DNAJC13: variants seen among roughly 807,000 people sequenced by gnomAD.
DNAJC13 encodes the protein dnaJ homolog subfamily C member 13.
A neutral mutation model predicts 290.5 loss-of-function variants in DNAJC13; 75 were observed. The ratio of observed to expected loss-of-function variants is 0.26; its 90% confidence interval spans 0.21 to 0.31. The LOEUF is 0.31. Ranked by LOEUF, DNAJC13 falls within the 10% of genes least tolerant of loss-of-function variation. The probability of loss-of-function intolerance (pLI) is 1.00; values close to 1 mark genes in which losing one functional copy is unlikely to be tolerated. For synonymous variants in DNAJC13, 862 were observed against 892.0 expected, an observed-to-expected ratio of 0.97 and a Z score of 0.60; for missense variants, 2,260 against 2,674.5, an observed-to-expected ratio of 0.85 and a Z score of 3.42.
At chr3:132,516,383 C>T in intron 46 of DNAJC13, 39 bp from the exon 47 acceptor site, 1 of 1,597,470 alleles carries the variant, frequency 6.3e-7, no homozygotes, top group Non-Finnish European at 8.6e-7. Context: ...TATAAGCTAA[C>T]CTGATGATGC....
rs1400315569 is a variant in DNAJC13, at chr3:132,523,575, A to T, written c.5922A>T (p.Ala1974=). 7 of 1,613,960 alleles carry T rather than the reference A, an allele frequency of 4.3e-6. No homozygotes were observed. The highest frequency in any genetic ancestry group is 5.9e-6 in the Non-Finnish European group (7 of 1,179,984). ...PEDFAVVFGE[A]EGELAVGGVF... ...ATTTTGCTGTGGTGTTTGGAGAAGC[A>T]GAGGGTGAACTTGCTGTTGGAGGAG... Residue 1974 remains alanine (A), a synonymous_variant, in exon 51 of 56, where the codon GCA becomes GCT. Transcript: ENST00000260818.
At chr3:132,470,658 G>A (rs1934185935) in intron 20 of DNAJC13, among the ~76,000 whole-genome samples, 2 of 136,170 alleles carry the variant, frequency 1.5e-5, no homozygotes, top group African/African-American at 2.8e-5. Flanking sequence ...GGCTGGCCGG[G>A]CGGGGGGCCG....
intron 53 of DNAJC13, among the ~76,000 whole-genome samples, chr3:132,527,283 G>T (rs1406988994): frequency 6.6e-6 from 1 of 152,078 alleles, no homozygotes; most frequent in Admixed American, 6.5e-5. Flanking sequence ...CCATTCAGTG[G>T]TTTCTCATTA....
intron 41 of DNAJC13, among the ~76,000 whole-genome samples, chr3:132,504,549 C>T (rs1392437346): frequency 6.6e-6 from 1 of 152,038 alleles, no homozygotes; most frequent in Non-Finnish European, 1.5e-5. Context: ...GCATGAGCTC[C>T]AACTGGATTC....
chr3:132,489,622 T>A (rs1935002006), intron 31 of DNAJC13, among the ~76,000 whole-genome samples: 1 of 151,944 alleles, frequency 6.6e-6, no homozygotes. Flanking sequence ...GAGCATGGAT[T>A]TTTTTTTGGA....
Position 132,492,476 on chromosome 3 carries a change from A to G in DNAJC13, c.3686A>G (p.Asn1229Ser), listed in dbSNP as rs1277365258. ...GATTTCACACCTCGTCTTCAGAGTA[A>G]CACAAGAGCACTTTATCAGTATTGC... ...LADFTPRLQS[N>S]TRALYQYCPI... The change falls in exon 33 of 56, where the codon AAC (asparagine) becomes AGC (serine). Residue 1229 changes from asparagine (N) to serine (S), a missense_variant. Asn to Ser is a conservative substitution (Grantham distance 46). This residue lies in a region of DNAJC13 where 1,494 missense variants were observed against 1,693.7 expected (regional missense o/e 0.88). Transcript: ENST00000260818. The G allele has an allele frequency of 6.2e-7, 1 of 1,613,798 alleles. No homozygotes were observed. Among genetic ancestry groups the G allele is most frequent in the Non-Finnish European group, 8.5e-7 (1 of 1,179,878 alleles).
intron 46 of DNAJC13, 57 bp downstream of exon 46, chr3:132,514,727 T>A: frequency 1.6e-6 from 2 of 1,279,978 alleles, no homozygotes; most frequent in Non-Finnish European, 2.3e-6. Context: ...TGGAAAGGAG[T>A]TGTTGCATAG....
rs757668635 is a variant in DNAJC13 at position 132,492,511 on chromosome 3, A to G, written c.3721A>G (p.Ile1241Val). ...RALYQYCPIPIINYPQLENEL... is the reference protein window; with the variant it reads ...RALYQYCPIPVINYPQLENEL... The stretch of plus-strand genomic sequence containing the variant: ...ACTTTATCAGTATTGCCCCATTCCT[A>G]TAATCAACTATCCACAACTCGAAAA... Residue 1241 changes from isoleucine to valine, a missense_variant, in exon 33 of 56, where the codon ATA becomes GTA. Ile to Val is a conservative substitution (Grantham distance 29). Coordinates refer to ENST00000260818, the MANE Select transcript of DNAJC13 (RefSeq NM_015268.4). 3 of 1,613,870 alleles carry G rather than the reference A, an allele frequency of 1.9e-6. No individual in the cohort carries two copies. Among genetic ancestry groups the G allele is most frequent in the Non-Finnish European group, 2.5e-6 (3 of 1,179,850 alleles).
intron 36 of DNAJC13, among the ~76,000 whole-genome samples, chr3:132,497,526 T>C (rs1389636957): frequency 6.6e-6 from 1 of 152,214 alleles, no homozygotes; most frequent in Non-Finnish European, 1.5e-5. Flanking sequence ...AACCTGAGGA[T>C]CTAGCAGTTG....
chr3:132,519,805 A>G (rs981418526), intron 48 of DNAJC13, among the ~76,000 whole-genome samples: 2 of 152,112 alleles, frequency 1.3e-5, no homozygotes, highest in Non-Finnish European at 1.5e-5. Context: ...AACTTTCTCT[A>G]TGAAGGGCTT....
chr3:132,433,103 A>G (rs1939284170), intron 1 of DNAJC13, among the ~76,000 whole-genome samples: 2 of 152,230 alleles, frequency 1.3e-5, no homozygotes, highest in African/African-American at 4.8e-5. Context: ...AATCTTGTTT[A>G]AATAAGGATT....
At chr3:132,442,689 A>C (rs1371507484) in intron 2 of DNAJC13, among the ~76,000 whole-genome samples, 1 of 152,194 alleles carries the variant, frequency 6.6e-6, no homozygotes, top group Admixed American at 6.5e-5. Context: ...TGGTAACATA[A>C]GTTATGTTTC....
intron 1 of DNAJC13, among the ~76,000 whole-genome samples, chr3:132,430,325 A>G (rs1243925820): frequency 1.3e-5 from 2 of 151,938 alleles, no homozygotes; most frequent in African/African-American, 4.8e-5. Flanking sequence ...ATTATTTAAA[A>G]AATTTATTTA....
intron 1 of DNAJC13, among the ~76,000 whole-genome samples, chr3:132,423,879 A>G (rs939655649): frequency 2.0e-5 from 3 of 152,236 alleles, no homozygotes; most frequent in Admixed American, 6.5e-5. Context: ...TAGGAAAAAC[A>G]GCAACAAGTT....
chr3:132,475,744 C>T (rs1053763508), intron 22 of DNAJC13, among the ~76,000 whole-genome samples: 1 of 151,878 alleles, frequency 6.6e-6, no homozygotes, highest in African/African-American at 2.4e-5. Flanking sequence ...TTTGGGAGTC[C>T]GTATTCTGCT....
At chr3:132,516,037 A>C (rs1935910421) in intron 46 of DNAJC13, among the ~76,000 whole-genome samples, 1 of 152,158 alleles carries the variant, frequency 6.6e-6, no homozygotes, top group Non-Finnish European at 1.5e-5. Context: ...TTTTTCCCTC[A>C]AGACAGTAGC....
chr3:132,486,126 TA>T (rs1402740125), intron 29 of DNAJC13, among the ~76,000 whole-genome samples: 1 of 146,562 alleles, frequency 6.8e-6, no homozygotes, highest in Non-Finnish European at 1.5e-5. Flanking sequence ...TTCTGTTATT[TA>T]AGCATACTCA....
chr3:132,519,747 C>A (rs995004881), intron 48 of DNAJC13, among the ~76,000 whole-genome samples: 14 of 151,856 alleles, frequency 9.2e-5, no homozygotes, highest in African/African-American at 3.4e-4. Flanking sequence ...GTTTTTGATC[C>A]ATTTGAGTTA....
At chr3:132,419,261 A>AT in intron 1 of DNAJC13, among the ~76,000 whole-genome samples, 1 of 152,354 alleles carries the variant, frequency 6.6e-6, no homozygotes, top group East Asian at 1.9e-4. Flanking sequence ...TTCATGGAAA[A>AT]TATCAGCATT....
Sources: gnomAD v4.1 joint callset for allele counts (sites outside exome capture counted in the v4.1 genomes callset) on GRCh38, gnomAD v4.1.1 for gene constraint, gnomAD v4.1.1 regional missense constraint, MANE v1.5 for transcripts, NCBI Gene and HGNC (gene_info 2026-07-23, HGNC 2026-07-21) for gene names.